Variants in C6 observed in about 807,000 individuals in gnomAD.
C6 encodes the protein complement component C6.
A neutral mutation model predicts 112.9 loss-of-function variants in C6; 101 were observed. That is an observed-to-expected ratio of 0.89 (90% CI 0.76 to 1.06). The LOEUF (loss-of-function observed/expected upper bound fraction) is 1.06. C6 is among the 50% of genes least tolerant of loss of function. The pLI, the probability that C6 is intolerant of heterozygous loss-of-function variation, is 0.00. For missense variants in C6, 1,202 were observed against 1,104.6 expected (o/e 1.09, Z -1.25); for synonymous variants, 431 against 384.1 (o/e 1.12, Z -1.43).
At chr5:41,172,369 G>T in intron 8 of C6, 22 bp from the exon 9 acceptor site, 2 of 1,612,360 alleles carry the variant, frequency 1.2e-6, no homozygotes, top group Non-Finnish European at 1.7e-6. Flanking sequence ...AGTACAAACA[G>T]AAACCACTGA....
intron 13 of C6, among the ~76,000 whole-genome samples, chr5:41,157,478 A>T: frequency 6.6e-6 from 1 of 152,214 alleles, no homozygotes; most frequent in East Asian, 1.9e-4. Context: ...TGTTGAAATT[A>T]CTCACTTCTG....
intron 1 of C6, 105 bp from the exon 2 acceptor site, chr5:41,203,355 AT>A: frequency 1.6e-6 from 2 of 1,214,876 alleles, no homozygotes; most frequent in South Asian, 2.5e-5. Flanking sequence ...AAATATTTGC[AT>A]TTTTCTGCCT....
chr5:41,157,452 T>C (rs1482856845), intron 13 of C6, among the ~76,000 whole-genome samples: 1 of 152,362 alleles, frequency 6.6e-6, no homozygotes, highest in East Asian at 1.9e-4. Flanking sequence ...TAGTCATCTG[T>C]AGGCCATATG....
chr5:41,249,733 G>C (rs2150436398), intron 1 of C6, among the ~76,000 whole-genome samples: 1 of 152,264 alleles, frequency 6.6e-6, no homozygotes, highest in East Asian at 1.9e-4. Context: ...TTATCTGAAA[G>C]CCAGGAGTCA....
At chr5:41,185,184 T>A (rs1749673343) in intron 6 of C6, among the ~76,000 whole-genome samples, 1 of 152,174 alleles carries the variant, frequency 6.6e-6, no homozygotes, top group Admixed American at 6.6e-5. Flanking sequence ...CCAGAGGTAT[T>A]CAAATTTGAC....
rs1423416 is a variant in C6, at chr5:41,142,530, A to G, written c.*295T>C. 7,289 of 410,536 alleles carry G rather than the reference A, an allele frequency of 0.018. 464 individuals carry two copies. Among genetic ancestry groups the G allele is most frequent in the African/African-American group, 0.13 (6,606 of 50,658 alleles). The allele number at this position is 410,536 out of a possible 1,614,324, so 25.4% of individuals were successfully genotyped here. ...GAGAATGCTTAATGTCACAGGCTAC[A>G]TAAGGGCCTCAGAAGTCACATTATT... On this transcript the variant is annotated 3_prime_UTR_variant, in exon 18 of 18. Coordinates refer to ENST00000337836, the MANE Select transcript of C6 (RefSeq NM_000065.5).
Position 41,252,615 on chromosome 5 carries a change from C to T in C6, c.-21+8579G>A, listed in dbSNP as rs116452320. Among the ~76,000 whole-genome samples, 1,404 of 152,316 alleles carry T rather than the reference C, an allele frequency of 9.2e-3. 27 individuals carry two copies. The highest frequency in any genetic ancestry group is 0.031 in the African/African-American group (1,289 of 41,572). On this transcript the variant is annotated intron_variant, in intron 1 of 17. Coordinates refer to the C6 transcript ENST00000263413. ...TTGAAATGGCCCTGCAAAGCCATCT[C>T]TTTTGGGAGAATTTTACCTTCTGTA... is the stretch of plus-strand genomic sequence containing the variant.
At chr5:41,167,189 G>T (rs1748051343) in intron 9 of C6, among the ~76,000 whole-genome samples, 3 of 152,064 alleles carry the variant, frequency 2.0e-5, no homozygotes, top group African/African-American at 4.8e-5. Flanking sequence ...GAGATCTCAA[G>T]TATACTTTTA....
At chr5:41,155,920 T>G (rs1334834702) in intron 13 of C6, among the ~76,000 whole-genome samples, 1 of 152,174 alleles carries the variant, frequency 6.6e-6, no homozygotes, top group Non-Finnish European at 1.5e-5. Flanking sequence ...GTTGCTATTA[T>G]GACTGAGTGC....
chr5:41,161,915 A>AAAAC (rs1295254861), intron 9 of C6, 56 bp from the exon 10 acceptor site: 4 of 1,558,584 alleles, frequency 2.6e-6, no homozygotes, highest in Admixed American at 3.4e-5. Flanking sequence ...TTCCTATTCT[A>AAAAC]AAACAAACAA....
At chr5:41,221,204 G>A (rs929274239) in intron 1 of C6, among the ~76,000 whole-genome samples, 1 of 151,990 alleles carries the variant, frequency 6.6e-6, no homozygotes, top group African/African-American at 2.4e-5. Flanking sequence ...TTGCTACCAT[G>A]TAATTACATT....
chr5:41,226,233 A>G (rs973275711), intron 1 of C6, among the ~76,000 whole-genome samples: 1 of 152,196 alleles, frequency 6.6e-6, no homozygotes, highest in Non-Finnish European at 1.5e-5. Flanking sequence ...CAGAATCTAC[A>G]ATGAACTCAA....
chr5:41,255,197 C>G (rs1741610846), intron 1 of C6, among the ~76,000 whole-genome samples: 1 of 151,924 alleles, frequency 6.6e-6, no homozygotes, highest in Non-Finnish European at 1.5e-5. Context: ...CCTGTCTCTA[C>G]TAAAAATACA....
chr5:41,154,960 C>T lies in C6; in HGVS notation c.2101+12G>A. The T allele has an allele frequency of 1.2e-6, 2 of 1,613,370 alleles. No homozygotes were observed. The highest frequency in any genetic ancestry group is 1.7e-6 in the Non-Finnish European group (2 of 1,179,474). Reference sequence around the variant, plus strand: ...TAAAGTAGTCAAGCAAAATTGTTTGCCCAGTTCTCACGTTGGCATTCCACA... The same window carrying T: ...TAAAGTAGTCAAGCAAAATTGTTTGTCCAGTTCTCACGTTGGCATTCCACA... On this transcript the variant is annotated intron_variant, in intron 14 of 17. Transcript: ENST00000337836.
chr5:41,223,030 GT>G (rs1403470391), intron 1 of C6, among the ~76,000 whole-genome samples: 4 of 152,048 alleles, frequency 2.6e-5, no homozygotes, highest in Non-Finnish European at 5.9e-5. Flanking sequence ...CTTCCAATTT[GT>G]TTTGATCACA....
chr5:41,176,713 A>G lies in C6; in HGVS notation c.930T>C (p.Asp310=). 6.2e-7 allele frequency: 1 copy of G among 1,609,998 alleles called. No individual in the cohort carries two copies. The change falls in exon 8 of 18, where the codon GAT becomes GAC. Residue 310 remains aspartate, a splice_region_variant and synonymous_variant. Transcript: ENST00000337836. ...KQAIQASHKK[D]SSFIRIHKVM... is the part of the protein sequence containing the mutation. The stretch of plus-strand genomic sequence containing the variant: ...CTTTATGGATCCTAATAAAACTAGA[A>G]TCCTAAATGGAAGAAAGAAGTAAAA...
intron 1 of C6, among the ~76,000 whole-genome samples, chr5:41,258,252 T>C (rs1008303534): frequency 5.3e-5 from 8 of 152,172 alleles, no homozygotes; most frequent in Non-Finnish European, 1.2e-4. Flanking sequence ...GATCTGAAAA[T>C]TCAAAGGTGA....
At chr5:41,211,813 C>T (rs538246516) in intron 1 of C6, among the ~76,000 whole-genome samples, 40 of 152,206 alleles carry the variant, frequency 2.6e-4, no homozygotes, top group Non-Finnish European at 7.4e-5. Flanking sequence ...ATTCTTAAAG[C>T]TTCTGGTGAA....
At chr5:41,200,138 G>A (rs1387236485) in intron 3 of C6, among the ~76,000 whole-genome samples, 2 of 152,114 alleles carry the variant, frequency 1.3e-5, no homozygotes. Flanking sequence ...GGTTAAAAAG[G>A]TTTCTAAGGC....
Sources: gnomAD v4.1 joint callset for allele counts (sites outside exome capture counted in the v4.1 genomes callset) on GRCh38, gnomAD v4.1.1 for gene constraint, MANE v1.5 for transcripts, NCBI Gene and HGNC (gene_info 2026-07-23, HGNC 2026-07-21) for gene names.